The following TRAPPC8 variants were observed in gnomAD, a reference collection of about 807,000 sequenced individuals.
The protein encoded by TRAPPC8 is trafficking protein particle complex subunit 8, also known as general sporulation gene 1 homolog.
A neutral mutation model predicts 174.3 loss-of-function variants in TRAPPC8; 54 were observed. The observed-to-expected ratio is 0.31, with a 90% CI of 0.25 to 0.39. The LOEUF is 0.39. TRAPPC8 is among the 10% of genes least tolerant of loss of function. TRAPPC8 has a pLI of 1.00. For synonymous variants in TRAPPC8, 630 were observed against 579.9 expected (o/e 1.09, Z -1.24); for missense variants, 1,531 against 1,699.1 (o/e 0.90, Z 1.74).
intron 26 of TRAPPC8, among the ~76,000 whole-genome samples, chr18:31,841,855 T>C (rs927046554): frequency 2.6e-5 from 4 of 152,204 alleles, no homozygotes; most frequent in Non-Finnish European, 5.9e-5. Context: ...CAGATAACTT[T>C]CTCTAGCTGA....
At chr18:31,838,639 T>C (rs2032914980) in intron 27 of TRAPPC8, among the ~76,000 whole-genome samples, 1 of 152,218 alleles carries the variant, frequency 6.6e-6, no homozygotes, top group African/African-American at 2.4e-5. Flanking sequence ...GTGGCATTCT[T>C]CTCAAAAATC....
At chr18:31,877,484 C>A (rs965161787) in intron 12 of TRAPPC8, among the ~76,000 whole-genome samples, 1 of 151,664 alleles carries the variant, frequency 6.6e-6, no homozygotes, top group African/African-American at 2.4e-5. Context: ...AGGTGGCGGG[C>A]GCCTGTAGTC....
At position 31,917,543 on chromosome 18, in the gene TRAPPC8, T is replaced by C. The variant is rs1324350346; in HGVS notation, c.442+35A>G. 25 of 1,561,938 alleles carry C rather than the reference T, an allele frequency of 1.6e-5. No individual in the cohort carries two copies. The Admixed American group carries it at 3.8e-4, about 24-fold the overall frequency. On this transcript the variant is annotated intron_variant, in intron 3 of 28. Coordinates refer to ENST00000283351, the MANE Select transcript of TRAPPC8 (RefSeq NM_014939.5). Reference sequence around the variant, plus strand: ...TCTGAGATTAATAACTTCCATAATATTTGATTTGAGGAGAACATAAATGTC... The same window carrying C: ...TCTGAGATTAATAACTTCCATAATACTTGATTTGAGGAGAACATAAATGTC...
chr18:31,926,411 G>A (rs1178300058), intron 2 of TRAPPC8: 1 of 152,004 alleles, frequency 6.6e-6, no homozygotes, highest in East Asian at 1.9e-4. Flanking sequence ...AGAAAATACA[G>A]TTGAAGAAGT....
At chr18:31,916,923 A>G (rs534626448) in intron 3 of TRAPPC8, among the ~76,000 whole-genome samples, 2 of 152,146 alleles carry the variant, frequency 1.3e-5, no homozygotes, top group African/African-American at 4.8e-5. Context: ...ACTCCAAATA[A>G]TTCAATACTC....
chr18:31,880,009 G>T (rs2035340656), intron 12 of TRAPPC8, among the ~76,000 whole-genome samples: 1 of 134,032 alleles, frequency 7.5e-6, no homozygotes, highest in African/African-American at 2.8e-5. Context: ...TGAAGCCCAA[G>T]ATAGCTGGAT....
chr18:31,871,968 G>A (rs1175999548), intron 14 of TRAPPC8, among the ~76,000 whole-genome samples: 1 of 151,812 alleles, frequency 6.6e-6, no homozygotes, highest in African/African-American at 2.4e-5. Flanking sequence ...TAAAATATAT[G>A]CATTTATATA....
intron 1 of TRAPPC8, among the ~76,000 whole-genome samples, chr18:31,933,634 G>A (rs934950525): frequency 2.0e-5 from 3 of 152,044 alleles, no homozygotes; most frequent in African/African-American, 4.8e-5. Context: ...ACAAATAAGA[G>A]GCAACTTTGG....
At chr18:31,844,804 T>C (rs930938124) in intron 26 of TRAPPC8, among the ~76,000 whole-genome samples, 3 of 151,540 alleles carry the variant, frequency 2.0e-5, no homozygotes, top group Non-Finnish European at 4.4e-5. Context: ...CTTACTATTA[T>C]GAAAGGAAAA....
At chr18:31,899,216 AT>A (rs2036305929) in intron 10 of TRAPPC8, among the ~76,000 whole-genome samples, 1 of 152,104 alleles carries the variant, frequency 6.6e-6, no homozygotes, top group Non-Finnish European at 1.5e-5. Flanking sequence ...CTTAACACTT[AT>A]TTTACTTATT....
At chr18:31,867,070 G>T in intron 17 of TRAPPC8, 95 bp from the exon 18 acceptor site, 1 of 1,308,980 alleles carries the variant, frequency 7.6e-7, no homozygotes. Flanking sequence ...ATAAACTCAT[G>T]ACCTAAACTT....
At chr18:31,876,208 C>T (rs1366562799) in intron 12 of TRAPPC8, among the ~76,000 whole-genome samples, 1 of 151,932 alleles carries the variant, frequency 6.6e-6, no homozygotes, top group East Asian at 1.9e-4. Context: ...AGATCGCTTA[C>T]AGCCGGGAGG....
At chr18:31,923,862 T>TAAA (rs2037494025) in intron 2 of TRAPPC8, among the ~76,000 whole-genome samples, 1 of 152,062 alleles carries the variant, frequency 6.6e-6, no homozygotes, top group Non-Finnish European at 1.5e-5. Flanking sequence ...CTAAAAATAA[T>TAAA]AAGGCCGGGT....
intron 4 of TRAPPC8, among the ~76,000 whole-genome samples, chr18:31,915,995 T>G (rs1391984625): frequency 1.3e-5 from 2 of 148,820 alleles, no homozygotes; most frequent in Non-Finnish European, 3.0e-5. Flanking sequence ...AGGCGGAGGT[T>G]GCAGTGAGCC....
chr18:31,852,357 G>C, intron 24 of TRAPPC8, 89 bp downstream of exon 24: 3 of 1,470,066 alleles, frequency 2.0e-6, no homozygotes, highest in Non-Finnish European at 2.8e-6. Context: ...AAAAGCGTTT[G>C]GGAATTACTG....
Position 31,909,732 on chromosome 18 carries a change from A to G in TRAPPC8, c.800T>C (p.Ile267Thr). The change falls in exon 6 of 29, where the codon ATA becomes ACA. Residue 267 changes from isoleucine (I) to threonine (T), a missense_variant. Ile to Thr is a moderately conservative substitution (Grantham distance 89). Coordinates refer to ENST00000283351, the MANE Select transcript of TRAPPC8 (RefSeq NM_014939.5). ...QESYEDGPCT[I>T]TSNKNSDNNL... ...ATTATCAGAATTCTTATTTGAAGTT[A>G]TAGTACAAGGGCCATCTTCATATGA... 1 of 1,600,998 alleles carries G rather than the reference A, an allele frequency of 6.2e-7. No homozygotes were observed. Among genetic ancestry groups the G allele is most frequent in the Non-Finnish European group, 8.5e-7 (1 of 1,176,018 alleles).
At chr18:31,888,232 G>A (rs763251362) in intron 12 of TRAPPC8, among the ~76,000 whole-genome samples, 1 of 152,146 alleles carries the variant, frequency 6.6e-6, no homozygotes, top group African/African-American at 2.4e-5. Flanking sequence ...CAGTCAGAAT[G>A]GTGATTATTA....
chr18:31,917,006 T>C (rs2037178822), intron 3 of TRAPPC8, among the ~76,000 whole-genome samples: 2 of 152,096 alleles, frequency 1.3e-5, no homozygotes, highest in Admixed American at 1.3e-4. Context: ...AGGAAACTCA[T>C]AAAAATAAAA....
At chr18:31,893,130 C>A (rs1449969490) in intron 11 of TRAPPC8, among the ~76,000 whole-genome samples, 1 of 151,350 alleles carries the variant, frequency 6.6e-6, no homozygotes, top group Non-Finnish European at 1.5e-5. Context: ...CTATGAATTG[C>A]CTGTTTATGC....
Sources: allele counts gnomAD v4.1 joint callset (sites outside exome capture counted in the v4.1 genomes callset), GRCh38; gene constraint gnomAD v4.1.1; transcripts MANE v1.5; gene names NCBI Gene and HGNC (gene_info 2026-07-23, HGNC 2026-07-21).